Variants in SRD5A2 observed in about 807,000 individuals in gnomAD.
SRD5A2 encodes the protein 3-oxo-5-alpha-steroid 4-dehydrogenase 2.
A neutral mutation model predicts 27.4 loss-of-function variants in SRD5A2; 30 were observed. That is an observed-to-expected ratio of 1.10 (90% confidence interval 0.82 to 1.49). The LOEUF (loss-of-function observed/expected upper bound fraction) is 1.49, where lower values mean the gene tolerates loss of function less well. SRD5A2 is among the 40% of genes most tolerant of loss of function. The probability of loss-of-function intolerance (pLI) is 0.00; values close to 1 mark genes in which losing one functional copy is unlikely to be tolerated. For missense variants in SRD5A2, 348 were observed against 323.4 expected, an observed-to-expected ratio of 1.08 and a Z score of -0.58; for synonymous variants, 141 against 133.6, an observed-to-expected ratio of 1.06 and a Z score of -0.38.
chr2:31,659,730 T>C, the SRD5A2 span, among the ~76,000 whole-genome samples: 1 of 152,206 alleles, frequency 6.6e-6, no homozygotes. Context: ...ATAGGAAGAA[T>C]CAATATTGTT....
chr2:31,539,907 A>G (rs116390956), intron 1 of SRD5A2, among the ~76,000 whole-genome samples: 377 of 152,356 alleles, frequency 2.5e-3, no homozygotes, highest in African/African-American at 8.6e-3. Context: ...CCAGGTTTCA[A>G]TGGAAAATAA....
chr2:31,579,334 T>C (rs755150430), intron 1 of SRD5A2, among the ~76,000 whole-genome samples: 10 of 152,224 alleles, frequency 6.6e-5, no homozygotes, highest in Non-Finnish European at 1.3e-4. Context: ...AAATGAGGCA[T>C]CACTTTCTCT....
At chr2:31,534,773 A>T (rs141852161) in intron 1 of SRD5A2, among the ~76,000 whole-genome samples, 2 of 152,286 alleles carry the variant, frequency 1.3e-5, no homozygotes, top group East Asian at 3.9e-4. Flanking sequence ...AGGAACACCC[A>T]TCCTTCAAAG....
the SRD5A2 span, among the ~76,000 whole-genome samples, chr2:31,616,996 C>T: frequency 6.6e-6 from 1 of 152,120 alleles, no homozygotes; most frequent in African/African-American, 2.4e-5. Context: ...GTGAATAAGT[C>T]TTATGAGATC....
chr2:31,643,257 A>G, the SRD5A2 span, among the ~76,000 whole-genome samples: 1 of 151,758 alleles, frequency 6.6e-6, no homozygotes, highest in Admixed American at 6.6e-5. Context: ...TTATCAAACT[A>G]CTCCTTGTGT....
chr2:31,627,773 T>C, the SRD5A2 span, among the ~76,000 whole-genome samples: 384 of 152,262 alleles, frequency 2.5e-3, 3 homozygotes, highest in Non-Finnish European at 3.1e-3. Flanking sequence ...CTTAATTGTA[T>C]GGTTTTGAGT....
the SRD5A2 span, among the ~76,000 whole-genome samples, chr2:31,622,144 C>G: frequency 2.5e-3 from 378 of 152,174 alleles, no homozygotes; most frequent in Admixed American, 4.7e-3. Flanking sequence ...TGACAGGCCC[C>G]AGTGTATGTT....
chr2:31,553,697 T>C (rs937521533), intron 1 of SRD5A2, among the ~76,000 whole-genome samples: 1 of 152,172 alleles, frequency 6.6e-6, no homozygotes, highest in African/African-American at 2.4e-5. Flanking sequence ...TACTCTGCAA[T>C]CTAAAGGAAG....
intron 1 of SRD5A2, among the ~76,000 whole-genome samples, chr2:31,534,182 G>C (rs1665976465): frequency 6.6e-6 from 1 of 152,150 alleles, no homozygotes; most frequent in African/African-American, 2.4e-5. Context: ...ATTAGTGATA[G>C]AGTAAGAGCA....
In SRD5A2 at chr2:31,529,390, G is replaced by C. The variant is rs755707244; in HGVS notation, c.615C>G (p.Ala205=). ...GTGCTGGGAGGGACCAAGTGGCCAG[G>C]GCATAGCCGATCCATTCAATGATCT... ...LGEIIEWIGY[A]LATWSLPALA... Residue 205 remains alanine, a synonymous_variant, in exon 4 of 5, where the codon GCC becomes GCG. Transcript: ENST00000622030. 6.2e-7 allele frequency: 1 copy of C among 1,613,898 alleles called. No homozygotes were observed. The highest frequency in any genetic ancestry group is 1.1e-5 in the South Asian group (1 of 91,070).
chr2:31,662,188 T>C, the SRD5A2 span, among the ~76,000 whole-genome samples: 1 of 152,272 alleles, frequency 6.6e-6, no homozygotes, highest in South Asian at 2.1e-4. Flanking sequence ...TTCCTGTTTC[T>C]TTAACATCTA....
intron 1 of SRD5A2, among the ~76,000 whole-genome samples, chr2:31,564,704 T>G (rs1216683516): frequency 6.6e-6 from 1 of 152,068 alleles, no homozygotes; most frequent in Non-Finnish European, 1.5e-5. Context: ...AACAGATTTC[T>G]TGTTGGAAAT....
chr2:31,626,594 T>C, the SRD5A2 span, among the ~76,000 whole-genome samples: 1 of 152,200 alleles, frequency 6.6e-6, no homozygotes, highest in African/African-American at 2.4e-5. Flanking sequence ...GAAGGCCTTT[T>C]CTGCATCTAT....
In SRD5A2 at chr2:31,552,541, G is replaced by A. The variant is rs1666401098; in HGVS notation, c.282-18775C>T. On this transcript the variant is annotated intron_variant, in intron 1 of 4. Transcript: ENST00000622030. ...CAGGATAGCAGAGCTCTGTGAGATT[G>A]GGAGAAATTGCAGAACCTAGGCATC... Among the ~76,000 whole-genome samples, 4 of 152,200 alleles carry A rather than the reference G, an allele frequency of 2.6e-5. No homozygotes were observed. The South Asian group carries it at 8.3e-4, about 32-fold the overall frequency.
chr2:31,575,247 G>A (rs1666933673), intron 1 of SRD5A2, among the ~76,000 whole-genome samples: 1 of 152,118 alleles, frequency 6.6e-6, no homozygotes, highest in African/African-American at 2.4e-5. Flanking sequence ...CTGAATAGTT[G>A]AGACATCTGC....
At chr2:31,537,747 T>G (rs1369534296) in intron 1 of SRD5A2, among the ~76,000 whole-genome samples, 1 of 152,174 alleles carries the variant, frequency 6.6e-6, no homozygotes, top group Non-Finnish European at 1.5e-5. Context: ...TGCTGGAAAT[T>G]TAATCCCCAA....
the SRD5A2 span, among the ~76,000 whole-genome samples, chr2:31,593,643 A>T: frequency 6.6e-6 from 1 of 152,250 alleles, no homozygotes; most frequent in South Asian, 2.1e-4. Context: ...AATTGAGGAA[A>T]ACTTCCCTAA....
the SRD5A2 span, among the ~76,000 whole-genome samples, chr2:31,601,279 T>C: frequency 6.6e-6 from 1 of 151,982 alleles, no homozygotes; most frequent in Admixed American, 6.6e-5. Context: ...CATCAGAGAA[T>C]ACTATAAACA....
At chr2:31,549,059 T>C (rs1191052279) in intron 1 of SRD5A2, among the ~76,000 whole-genome samples, 1 of 149,510 alleles carries the variant, frequency 6.7e-6, no homozygotes, top group Admixed American at 6.7e-5. Flanking sequence ...AATGGTGGCT[T>C]CCAGGGGCTG....
Sources: gnomAD v4.1 joint callset for allele counts (sites outside exome capture counted in the v4.1 genomes callset) on GRCh38, gnomAD v4.1.1 for gene constraint, MANE v1.5 for transcripts, NCBI Gene and HGNC (gene_info 2026-07-23, HGNC 2026-07-21) for gene names.